The following ZNF292 variants were observed in gnomAD, a reference collection of about 807,000 sequenced individuals.
The protein encoded by ZNF292 is 16 zinc-finger domain protein.
Under a neutral mutation model 217.9 loss-of-function variants are expected in ZNF292, and 26 were observed. The observed-to-expected ratio is 0.12, with a 90% CI of 0.09 to 0.17. The LOEUF (loss-of-function observed/expected upper bound fraction) is 0.17, where lower values mean the gene tolerates loss of function less well. Ranked by LOEUF, ZNF292 falls within the 10% of genes least tolerant of loss-of-function variation. The pLI is 1.00. For synonymous variants in ZNF292, 1,257 were observed against 1,124.1 expected, an observed-to-expected ratio of 1.12 and a Z score of -2.37; for missense variants, 2,904 against 3,175.2, an observed-to-expected ratio of 0.91 and a Z score of 2.05.
intron 4 of ZNF292, chr6:87,223,680 G>A (rs1174792987): frequency 6.6e-6 from 1 of 152,042 alleles, no homozygotes; most frequent in African/African-American, 2.4e-5. Flanking sequence ...GTCATAATCT[G>A]ATACTACTTT....
At chr6:87,159,698 C>T (rs936699609) in intron 1 of ZNF292, among the ~76,000 whole-genome samples, 1 of 151,956 alleles carries the variant, frequency 6.6e-6, no homozygotes, top group Non-Finnish European at 1.5e-5. Flanking sequence ...GACAGGGTTT[C>T]TCCTTGTTGG....
intron 7 of ZNF292, chr6:87,249,565 T>G (rs560278764): frequency 1.9e-5 from 3 of 161,126 alleles, no homozygotes; most frequent in African/African-American, 4.8e-5. Context: ...GGTTTTATCT[T>G]AAAACTAGAA....
intron 1 of ZNF292, among the ~76,000 whole-genome samples, chr6:87,180,410 G>T (rs1209900985): frequency 7.1e-6 from 1 of 141,234 alleles, no homozygotes. Flanking sequence ...GGGGTCCTCT[G>T]CCCCAAGTAT....
Position 87,233,622 on chromosome 6 carries a change from A to AAG in ZNF292, c.741+99_741+100dup, listed in dbSNP as rs1296170359. 2.0e-6 allele frequency: 3 copies of AAG among 1,508,240 alleles called. No homozygotes were observed. In the Admixed American group the frequency reaches 6.3e-5, roughly 32 times the overall value. 93.4% of individuals were successfully genotyped at this position (1,508,240 alleles called of 1,614,324 possible). A position where few individuals can be genotyped will look rare whatever the true frequency, so the allele number is the denominator to read the frequency against. On this transcript the variant is annotated intron_variant, in intron 5 of 7. Transcript: ENST00000369577. ...TGATTTCCTTTTCTCTTAGATAGCG[A>AAG]AGAGATCATTGTCAATCTTACATTT...
chr6:87,259,713 G>T lies in ZNF292; in HGVS notation c.6084G>T (p.Glu2028Asp). ...ESQPALELRAETQNTHSNVAV... is the reference protein window; with the variant it reads ...ESQPALELRADTQNTHSNVAV... ...AGCCTGCTTTAGAATTGAGAGCAGA[G>T]ACCCAAAATACCCACAGTAATGTAG... Residue 2028 changes from glutamate (E) to aspartate (D), a missense_variant, in exon 8 of 8, where the codon GAG (glutamate) becomes GAT (aspartate). Around this residue, in one of 15 missense-constraint regions of ZNF292, gnomAD observed 261 missense variants for 272.8 expected, o/e 0.96. Transcript: ENST00000369577. The T allele has an allele frequency of 6.2e-7, 1 of 1,602,382 alleles. No individual in the cohort carries two copies. The highest frequency in any genetic ancestry group is 1.7e-5 in the Admixed American group (1 of 58,122).
chr6:87,261,096 T>C lies in ZNF292; in HGVS notation c.7467T>C (p.Ile2489=). The C allele has an allele frequency of 6.2e-7, 1 of 1,610,864 alleles. No homozygotes were observed. Among genetic ancestry groups the C allele is most frequent in the East Asian group, 2.2e-5 (1 of 44,808 alleles). The change falls in exon 8 of 8, where the codon ATT becomes ATC. Residue 2489 remains isoleucine (I), a synonymous_variant. Transcript: ENST00000369577. The part of the protein sequence containing the change: ...DEMDELTELF[I]TKLINEDSTS... ...TGGATGAACTAACAGAATTGTTTAT[T>C]ACAAAATTAATAAATGAAGATAGCA...
intron 1 of ZNF292, among the ~76,000 whole-genome samples, chr6:87,175,427 C>A (rs536139268): frequency 6.6e-6 from 1 of 152,258 alleles, no homozygotes; most frequent in East Asian, 1.9e-4. Context: ...CCTTGAACTC[C>A]TGGGCTCAAG....
chr6:87,236,849 G>A (rs1208677725), intron 5 of ZNF292, among the ~76,000 whole-genome samples: 1 of 151,966 alleles, frequency 6.6e-6, no homozygotes, highest in Non-Finnish European at 1.5e-5. Flanking sequence ...TCTTTCTCAT[G>A]GCTACATAAT....
intron 1 of ZNF292, among the ~76,000 whole-genome samples, chr6:87,198,265 C>T (rs919187300): frequency 2.0e-5 from 3 of 151,954 alleles, no homozygotes; most frequent in African/African-American, 7.3e-5. Context: ...AGTGCAGTGG[C>T]GTGACCTCAG....
In ZNF292 at chr6:87,255,963, A is replaced by G. The variant is rs1479778685; in HGVS notation, c.2334A>G (p.Arg778=). Residue 778 remains arginine (R), a synonymous_variant, in exon 8 of 8, where the codon AGA becomes AGG. Transcript: ENST00000369577. ...ACCGAAAGGAGCATCAAGTCTTTAG[A>G]GCAAAATGTATGTTTCCTAAATGTG... ...LTHRKEHQVF[R]AKCMFPKCGR... The G allele has an allele frequency of 6.2e-7, 1 of 1,611,808 alleles. No individual in the cohort carries two copies. The highest frequency in any genetic ancestry group is 1.1e-5 in the South Asian group (1 of 90,848).
At chr6:87,174,437 G>A in intron 1 of ZNF292, 1 of 152,182 alleles carries the variant, frequency 6.6e-6, no homozygotes, top group Non-Finnish European at 1.5e-5. Context: ...AAATAAAAAA[G>A]TAACTGCTGC....
At chr6:87,232,298 CA>C (rs1209498740) in intron 4 of ZNF292, among the ~76,000 whole-genome samples, 3 of 152,112 alleles carry the variant, frequency 2.0e-5, no homozygotes, top group Middle Eastern at 3.4e-3. Flanking sequence ...TAGAGGGAAA[CA>C]AAGGATATTA....
intron 1 of ZNF292, among the ~76,000 whole-genome samples, chr6:87,205,697 G>T (rs1440687693): frequency 2.7e-5 from 4 of 150,748 alleles, no homozygotes; most frequent in African/African-American, 7.3e-5. Flanking sequence ...TTTTTTTCTT[G>T]ACCAGCTTTG....
At chr6:87,193,885 C>T (rs920030129) in intron 1 of ZNF292, among the ~76,000 whole-genome samples, 4 of 152,062 alleles carry the variant, frequency 2.6e-5, no homozygotes, top group Non-Finnish European at 2.9e-5. Context: ...ACTTCTGATC[C>T]CAAGCATTTT....
intron 7 of ZNF292, 29 bp downstream of exon 7, chr6:87,245,673 TA>T: frequency 7.5e-7 from 1 of 1,332,664 alleles, no homozygotes; most frequent in Non-Finnish European, 1.0e-6. Context: ...TTTTTAAGGT[TA>T]AAATGTGTAC....
At chr6:87,241,093 G>A (rs1366420973) in intron 5 of ZNF292, among the ~76,000 whole-genome samples, 2 of 152,134 alleles carry the variant, frequency 1.3e-5, no homozygotes, top group African/African-American at 4.8e-5. Flanking sequence ...GACCATCCTG[G>A]TTAACACAGT....
Position 87,257,094 on chromosome 6 carries a change from T to C in ZNF292, c.3465T>C (p.Tyr1155=). The change falls in exon 8 of 8, where the codon TAT becomes TAC. Residue 1155 remains tyrosine (Y), a synonymous_variant. Transcript: ENST00000369577. The part of the protein sequence containing the change: ...LNTPNNGKFV[Y]FLPSPVNSSN... The stretch of plus-strand genomic sequence containing the variant: ...CACCAAATAATGGAAAGTTTGTTTA[T>C]TTTTTGCCATCACCGGTGAACAGCT... 2 of 1,613,894 alleles carry C rather than the reference T, an allele frequency of 1.2e-6. No individual in the cohort carries two copies. The highest frequency in any genetic ancestry group is 2.2e-5 in the East Asian group (1 of 44,890).
At chr6:87,219,023 AATTT>A (rs1476821323) in intron 4 of ZNF292, among the ~76,000 whole-genome samples, 37 of 152,262 alleles carry the variant, frequency 2.4e-4, no homozygotes, top group Admixed American at 1.1e-3. Flanking sequence ...TATATTTGAT[AATTT>A]ATTTGATAGT....
intron 4 of ZNF292, among the ~76,000 whole-genome samples, chr6:87,229,069 T>G (rs1412943445): frequency 6.6e-6 from 1 of 152,216 alleles, no homozygotes; most frequent in Non-Finnish European, 1.5e-5. Context: ...TTCCCAATTA[T>G]TTATGCATTT....
Sources: gnomAD v4.1 joint callset for allele counts (sites outside exome capture counted in the v4.1 genomes callset) on GRCh38, gnomAD v4.1.1 for gene constraint, gnomAD v4.1.1 regional missense constraint, MANE v1.5 for transcripts, NCBI Gene and HGNC (gene_info 2026-07-23, HGNC 2026-07-21) for gene names.